The following TENM1 variants were observed in gnomAD, a reference collection of about 807,000 sequenced individuals.
TENM1 encodes teneurin transmembrane protein 1.
TENM1 carries 35 observed loss-of-function variants against 174.8 expected under a neutral mutation model. The observed-to-expected ratio is 0.20, with a 90% CI of 0.15 to 0.27. The LOEUF (loss-of-function observed/expected upper bound fraction) is 0.27. TENM1 is among the 10% of genes least tolerant of loss of function. The pLI, the probability that TENM1 is intolerant of heterozygous loss-of-function variation, is 1.00. For missense variants in TENM1, 1,633 were observed against 2,130.1 expected (o/e 0.77, Z 4.59); for synonymous variants, 781 against 798.7 (o/e 0.98, Z 0.37).
chrX:124,441,430 T>A (rs1189544979), intron 23 of TENM1, among the ~76,000 whole-genome samples: 2 of 112,525 alleles, frequency 1.8e-5, no homozygotes, highest in African/African-American at 6.5e-5. Flanking sequence ...GTAATTGACA[T>A]ATTGAGGTCT....
intron 4 of TENM1, among the ~76,000 whole-genome samples, chrX:124,733,759 C>T (rs1209368166): frequency 1.8e-5 from 2 of 112,449 alleles, no homozygotes; most frequent in Non-Finnish European, 3.7e-5. Flanking sequence ...TTATGTTCTT[C>T]TCTGCGTCTT....
chrX:124,587,754 C>A (rs1452548479), intron 11 of TENM1, among the ~76,000 whole-genome samples: 1 of 111,108 alleles, frequency 9.0e-6, no homozygotes, highest in Non-Finnish European at 1.9e-5. Context: ...GAACAGGCAA[C>A]CTACAAAATG....
At chrX:124,745,214 A>G (rs1166559054) in intron 3 of TENM1, among the ~76,000 whole-genome samples, 1 of 111,556 alleles carries the variant, frequency 9.0e-6, no homozygotes, top group East Asian at 2.8e-4. Flanking sequence ...CCTCTCCACC[A>G]GCACAACTTT....
At chrX:124,471,350 A>AG (rs1313524075) in intron 22 of TENM1, among the ~76,000 whole-genome samples, 3 of 10,079 alleles carry the variant, frequency 3.0e-4, no homozygotes, top group African/African-American at 6.5e-4. Context: ...TATAATATAT[A>AG]TTATAATATA....
At chrX:124,794,550 C>T (rs970778258) in intron 3 of TENM1, among the ~76,000 whole-genome samples, 2 of 110,837 alleles carry the variant, frequency 1.8e-5, no homozygotes, top group African/African-American at 3.3e-5. Flanking sequence ...CTGTTTCCAC[C>T]GTCATCTCTC....
At chrX:124,386,797 C>T (rs1484915386) in intron 28 of TENM1, among the ~76,000 whole-genome samples, 1 of 109,400 alleles carries the variant, frequency 9.1e-6, no homozygotes, top group African/African-American at 3.3e-5. Flanking sequence ...TCACTGCAGC[C>T]TCGAACTCCT....
At chrX:125,192,638 G>A in the TENM1 span, among the ~76,000 whole-genome samples, 2 of 111,812 alleles carry the variant, frequency 1.8e-5, no homozygotes, top group Non-Finnish European at 1.9e-5. Flanking sequence ...GGTAGAGTCA[G>A]CATTTGTTAA....
intron 5 of TENM1, among the ~76,000 whole-genome samples, chrX:124,680,556 T>C (rs920688183): frequency 9.0e-6 from 1 of 110,763 alleles, no homozygotes; most frequent in East Asian, 2.8e-4. Flanking sequence ...AGTGGTTTCA[T>C]CTCAAGTCAC....
chrX:125,057,922 A>G, the TENM1 span, among the ~76,000 whole-genome samples: 1 of 112,033 alleles, frequency 8.9e-6, no homozygotes, highest in East Asian at 2.8e-4. Context: ...AGCTTCATGG[A>G]CTATTCAAAA....
intron 3 of TENM1, among the ~76,000 whole-genome samples, chrX:124,842,116 T>C (rs1395303870): frequency 8.9e-6 from 1 of 111,758 alleles, no homozygotes; most frequent in East Asian, 2.8e-4. Flanking sequence ...TCTATGTCTC[T>C]TCTGGTATTT....
At chrX:124,753,861 C>T (rs754659520) in intron 3 of TENM1, among the ~76,000 whole-genome samples, 1 of 111,549 alleles carries the variant, frequency 9.0e-6, no homozygotes, top group Non-Finnish European at 1.9e-5. Flanking sequence ...GGTGGATAAG[C>T]TTTTTGATGT....
chrX:124,928,665 G>A (rs2058125291), intron 1 of TENM1, among the ~76,000 whole-genome samples: 3 of 111,784 alleles, frequency 2.7e-5, no homozygotes, highest in Admixed American at 9.5e-5. Context: ...AAAAAACAAC[G>A]GGAATCTAGG....
the TENM1 span, among the ~76,000 whole-genome samples, chrX:125,109,696 AC>A: frequency 9.0e-6 from 1 of 111,535 alleles, no homozygotes; most frequent in African/African-American, 3.3e-5. Context: ...TGCTATCAGC[AC>A]CCCCACCATC....
rs753404519 is a variant in TENM1 at position 124,802,138 on chromosome X, G to C, written c.536-64941C>G. ...ATTTGCCCATCTCATCCTCCTTCCA[G>C]TTCTGTCCCCTTGCTGGATAGGCAT... On this transcript the variant is annotated intron_variant, in intron 3 of 31. Coordinates refer to ENST00000422452, the Ensembl canonical transcript of TENM1. Among the ~76,000 whole-genome samples the C allele has an allele frequency of 7.2e-5, 8 of 111,845 alleles. No individual in the cohort carries two copies. In the East Asian group the frequency reaches 2.0e-3, roughly 28 times the overall value.
At chrX:124,975,310 T>C in the TENM1 span, among the ~76,000 whole-genome samples, 1 of 111,556 alleles carries the variant, frequency 9.0e-6, no homozygotes, top group Admixed American at 9.6e-5. Context: ...AGAAGAACAA[T>C]AGCTGCTTAT....
intron 27 of TENM1, among the ~76,000 whole-genome samples, chrX:124,401,208 G>A (rs2147657217): frequency 8.9e-6 from 1 of 111,772 alleles, no homozygotes; most frequent in South Asian, 3.8e-4. Context: ...AAAGGTCTGG[G>A]GGAGGTGTGA....
intron 4 of TENM1, among the ~76,000 whole-genome samples, chrX:124,709,343 A>G (rs1317169351): frequency 9.0e-6 from 1 of 111,340 alleles, no homozygotes; most frequent in Non-Finnish European, 1.9e-5. Context: ...GCTCTTAAAC[A>G]ATATACTATA....
the TENM1 span, among the ~76,000 whole-genome samples, chrX:125,106,411 CTT>C: frequency 2.5e-3 from 248 of 98,322 alleles, 2 homozygotes; most frequent in African/African-American, 8.0e-3. Context: ...TTTTGAATAA[CTT>C]TTTTTTTTTT....
chrX:125,058,987 TCACACACACACA>T, the TENM1 span, among the ~76,000 whole-genome samples: 3 of 103,645 alleles, frequency 2.9e-5, no homozygotes. Flanking sequence ...TTCATCATCA[TCACACACACACA>T]CACACACACA....
Sources: gnomAD v4.1 joint callset for allele counts (sites outside exome capture counted in the v4.1 genomes callset) on GRCh38, gnomAD v4.1.1 for gene constraint, MANE v1.5 for transcripts, NCBI Gene and HGNC (gene_info 2026-07-23, HGNC 2026-07-21) for gene names.